The following NR6A1 variants were observed in gnomAD, a reference collection of about 807,000 sequenced individuals.
NR6A1 encodes the protein nuclear receptor subfamily 6 group A member 1, also known as retinoic acid receptor-related testis-associated receptor.
NR6A1 carries 7 observed loss-of-function variants against 59.1 expected under a neutral mutation model. That is an observed-to-expected ratio of 0.12 (90% CI 0.07 to 0.22). NR6A1 has a LOEUF of 0.22. Ranked by LOEUF, NR6A1 falls within the 10% of genes least tolerant of loss-of-function variation. The pLI is 1.00. For missense variants in NR6A1, 468 were observed against 611.6 expected (o/e 0.77, Z 2.48); for synonymous variants, 243 against 236.1 (o/e 1.03, Z -0.27).
chr9:124,761,815 G>T (rs1290567229), intron 1 of NR6A1, among the ~76,000 whole-genome samples: 1 of 152,186 alleles, frequency 6.6e-6, no homozygotes, highest in Non-Finnish European at 1.5e-5. Flanking sequence ...TTCCACAAAT[G>T]TAAGTCTACC....
chr9:124,685,125 T>C (rs1366910647), intron 2 of NR6A1, among the ~76,000 whole-genome samples: 2 of 152,222 alleles, frequency 1.3e-5, no homozygotes, highest in Non-Finnish European at 2.9e-5. Flanking sequence ...TCTAAATCTG[T>C]TTCTTCATCT....
At chr9:124,540,948 T>C (rs1194782664) in intron 4 of NR6A1, among the ~76,000 whole-genome samples, 3 of 150,392 alleles carry the variant, frequency 2.0e-5, no homozygotes, top group African/African-American at 7.4e-5. Context: ...CCAAAAGACA[T>C]CGACCCCTTA....
chr9:124,733,861 G>A (rs1402430133), intron 1 of NR6A1, among the ~76,000 whole-genome samples: 1 of 152,060 alleles, frequency 6.6e-6, no homozygotes, highest in African/African-American at 2.4e-5. Context: ...ACAAATGAAA[G>A]CAATTTTTCC....
intron 2 of NR6A1, among the ~76,000 whole-genome samples, chr9:124,586,839 A>G (rs1401156147): frequency 6.6e-6 from 1 of 152,230 alleles, no homozygotes; most frequent in Non-Finnish European, 1.5e-5. Flanking sequence ...CCTGGTGAAC[A>G]CTGTTAAAAT....
chr9:124,645,007 T>C (rs760359234), intron 2 of NR6A1, among the ~76,000 whole-genome samples: 24 of 152,178 alleles, frequency 1.6e-4, no homozygotes, highest in Non-Finnish European at 2.5e-4. Flanking sequence ...CCAAAACACA[T>C]TGAACGTACA....
chr9:124,749,779 C>A (rs367952560), intron 1 of NR6A1, among the ~76,000 whole-genome samples: 1 of 152,196 alleles, frequency 6.6e-6, no homozygotes, highest in African/African-American at 2.4e-5. Flanking sequence ...CACACTCTTA[C>A]ATAACGCATG....
At chr9:124,542,673 G>C (rs143233141) in intron 4 of NR6A1, among the ~76,000 whole-genome samples, 3 of 152,264 alleles carry the variant, frequency 2.0e-5, no homozygotes, top group African/African-American at 7.2e-5. Context: ...ACCTTTTAGT[G>C]GTTGCCTCTT....
intron 2 of NR6A1, among the ~76,000 whole-genome samples, chr9:124,700,255 C>T (rs1207454509): frequency 2.0e-5 from 3 of 151,664 alleles, no homozygotes; most frequent in South Asian, 2.1e-4. Context: ...AGTGCAGTGG[C>T]GTGATCTTGG....
At chr9:124,690,164 G>A (rs1419372542) in intron 2 of NR6A1, among the ~76,000 whole-genome samples, 1 of 152,128 alleles carries the variant, frequency 6.6e-6, no homozygotes, top group Non-Finnish European at 1.5e-5. Flanking sequence ...GAAACACCTA[G>A]GCAGACGGCA....
chr9:124,678,741 C>A (rs1361583807), intron 2 of NR6A1, among the ~76,000 whole-genome samples: 1 of 152,084 alleles, frequency 6.6e-6, no homozygotes, highest in East Asian at 1.9e-4. Context: ...ACTGAATATC[C>A]CTGGACGAGT....
rs1835122502 is a variant in NR6A1, at chr9:124,591,437, G to A, written c.143-36867C>T. Among the ~76,000 whole-genome samples, 4 of 152,198 alleles carry A rather than the reference G, an allele frequency of 2.6e-5. No homozygotes were observed. The South Asian group carries it at 8.3e-4, about 31-fold the overall frequency. ...TTTCTCCAACACCAGGAAGCCTGTAGCAAAGCCATATACGTAGCCAAGTTT... is the reference window on the plus strand; with the variant it reads ...TTTCTCCAACACCAGGAAGCCTGTAACAAAGCCATATACGTAGCCAAGTTT... On this transcript the variant is annotated intron_variant, in intron 2 of 9. Coordinates refer to ENST00000487099, the MANE Select transcript of NR6A1 (RefSeq NM_033334.4).
At position 124,582,401 on chromosome 9, in the gene NR6A1, A is replaced by G. The variant is rs540938251; in HGVS notation, c.143-27831T>C. ...GGACACATAGAGGGGAACAACACAC[A>G]CTGGGGCTTACCAGAGGGCAGAGGG... On this transcript the variant is annotated intron_variant, in intron 2 of 9. Coordinates refer to ENST00000487099, the MANE Select transcript of NR6A1 (RefSeq NM_033334.4). 6.6e-5 allele frequency among the ~76,000 whole-genome samples: 10 copies of G among 152,240 alleles called. No individual in the cohort carries two copies. In the East Asian group the frequency reaches 1.2e-3, roughly 18 times the overall value.
chr9:124,659,152 G>A (rs1306100298), intron 2 of NR6A1, among the ~76,000 whole-genome samples: 1 of 152,188 alleles, frequency 6.6e-6, no homozygotes, highest in African/African-American at 2.4e-5. Flanking sequence ...CTGGGGCGGT[G>A]GGGGTAGAGG....
intron 2 of NR6A1, among the ~76,000 whole-genome samples, chr9:124,697,175 C>A (rs1315858679): frequency 6.6e-6 from 1 of 152,062 alleles, no homozygotes; most frequent in East Asian, 1.9e-4. Flanking sequence ...GATATCAGAA[C>A]AAGGAATGCA....
chr9:124,586,203 G>C (rs1281260394), intron 2 of NR6A1, among the ~76,000 whole-genome samples: 1 of 152,158 alleles, frequency 6.6e-6, no homozygotes, highest in Non-Finnish European at 1.5e-5. Context: ...TCTAGGAAAA[G>C]TAATTTGAAA....
chr9:124,650,264 T>TA (rs1463014149), intron 2 of NR6A1, among the ~76,000 whole-genome samples: 2 of 151,866 alleles, frequency 1.3e-5, no homozygotes, highest in Non-Finnish European at 1.5e-5. Context: ...TATTCAGCCA[T>TA]AAAAAAGAAT....
intron 2 of NR6A1, chr9:124,599,319 C>T (rs1182769543): frequency 1.6e-5 from 6 of 363,654 alleles, no homozygotes; most frequent in Admixed American, 1.2e-4. Context: ...GGCGGGCGCC[C>T]GAGGCAGGAG....
intron 2 of NR6A1, among the ~76,000 whole-genome samples, chr9:124,602,900 C>T (rs909971329): frequency 2.2e-4 from 33 of 152,306 alleles, no homozygotes; most frequent in African/African-American, 7.5e-4. Context: ...ACCCATTACT[C>T]CAGCCATGCT....
rs139257851 is a variant in NR6A1 at position 124,656,194 on chromosome 9, C to T, written c.142+77114G>A. ...TCCTACCATGTGATCTCTGCACACACCAGCTCCCTTTCACCTTGTGCCATG... is the reference window on the plus strand; with the variant it reads ...TCCTACCATGTGATCTCTGCACACATCAGCTCCCTTTCACCTTGTGCCATG... On this transcript the variant is annotated intron_variant, in intron 2 of 9. Coordinates refer to ENST00000487099, the MANE Select transcript of NR6A1 (RefSeq NM_033334.4). 5.5e-3 allele frequency among the ~76,000 whole-genome samples: 841 copies of T among 152,272 alleles called. 6 individuals are homozygous for T. The highest frequency in any genetic ancestry group is 0.019 in the African/African-American group (799 of 41,540).
Sources: gnomAD v4.1 joint callset for allele counts (sites outside exome capture counted in the v4.1 genomes callset) on GRCh38, gnomAD v4.1.1 for gene constraint, MANE v1.5 for transcripts, NCBI Gene and HGNC (gene_info 2026-07-23, HGNC 2026-07-21) for gene names.